Variants in NRG3 observed in about 807,000 individuals in gnomAD.
NRG3 encodes the protein pro-neuregulin-3, membrane-bound isoform.
Under a neutral mutation model 66.9 loss-of-function variants are expected in NRG3, and 31 were observed. That is an observed-to-expected ratio of 0.46 (90% confidence interval 0.35 to 0.63). The LOEUF (loss-of-function observed/expected upper bound fraction) is 0.63. NRG3 is among the 20% of genes least tolerant of loss of function. The probability of loss-of-function intolerance (pLI) is 0.00; values close to 1 mark genes in which losing one functional copy is unlikely to be tolerated. For missense variants in NRG3, 910 were observed against 878.9 expected (o/e 1.04, Z -0.45); for synonymous variants, 393 against 359.4 (o/e 1.09, Z -1.06).
chr10:82,921,019 C>G (rs1394529444), intron 4 of NRG3, among the ~76,000 whole-genome samples: 1 of 151,402 alleles, frequency 6.6e-6, no homozygotes, highest in African/African-American at 2.4e-5. Flanking sequence ...GTAGGCTACA[C>G]ATAGTGACTT....
chr10:82,006,819 T>G (rs568786032), intron 1 of NRG3, among the ~76,000 whole-genome samples: 3 of 152,314 alleles, frequency 2.0e-5, no homozygotes, highest in Admixed American at 2.0e-4. Context: ...CTATATACAC[T>G]GTTTAATTTC....
intron 3 of NRG3, among the ~76,000 whole-genome samples, chr10:82,803,462 C>A (rs971326980): frequency 1.3e-5 from 2 of 152,158 alleles, no homozygotes; most frequent in African/African-American, 4.8e-5. Flanking sequence ...TTCATCTTTG[C>A]TGAAGGGCAC....
chr10:82,679,802 G>C (rs1045824787), intron 2 of NRG3, among the ~76,000 whole-genome samples: 11 of 152,016 alleles, frequency 7.2e-5, no homozygotes, highest in Non-Finnish European at 1.6e-4. Flanking sequence ...GGACAGGAAG[G>C]TTTGGAGCTG....
intron 1 of NRG3, among the ~76,000 whole-genome samples, chr10:82,279,636 C>A (rs1300827914): frequency 1.3e-5 from 2 of 152,152 alleles, no homozygotes; most frequent in African/African-American, 4.8e-5. Flanking sequence ...CCTTAAATCA[C>A]ATTTTTCTGA....
intron 2 of NRG3, among the ~76,000 whole-genome samples, chr10:82,370,892 G>A (rs752968216): frequency 3.3e-5 from 5 of 151,670 alleles, no homozygotes; most frequent in South Asian, 2.1e-4. Flanking sequence ...GATTCTGGTG[G>A]CTTTATGAAT....
At chr10:82,394,392 A>G (rs577836408) in intron 2 of NRG3, among the ~76,000 whole-genome samples, 1 of 152,332 alleles carries the variant, frequency 6.6e-6, no homozygotes, top group African/African-American at 2.4e-5. Context: ...TAATGGGTAG[A>G]CACAGGAGGA....
intron 3 of NRG3, among the ~76,000 whole-genome samples, chr10:82,757,142 T>G (rs193152085): frequency 6.6e-6 from 1 of 152,088 alleles, no homozygotes; most frequent in Non-Finnish European, 1.5e-5. Context: ...AAAGTGTGTC[T>G]TAGACTTATG....
chr10:81,985,091 C>G (rs946022538), intron 1 of NRG3, among the ~76,000 whole-genome samples: 1 of 152,180 alleles, frequency 6.6e-6, no homozygotes, highest in East Asian at 1.9e-4. Context: ...TAGTTAACAT[C>G]CATTGTGTGC....
chr10:82,266,535 A>G (rs976075911), intron 1 of NRG3, among the ~76,000 whole-genome samples: 1 of 152,174 alleles, frequency 6.6e-6, no homozygotes, highest in African/African-American at 2.4e-5. Context: ...TTGCTCTCCT[A>G]TCCTAAGAGA....
intron 2 of NRG3, among the ~76,000 whole-genome samples, chr10:82,555,972 C>T (rs143328513): frequency 2.6e-5 from 4 of 152,232 alleles, no homozygotes; most frequent in Admixed American, 1.3e-4. Context: ...ATTCTTCAAC[C>T]ATTGCAACTT....
chr10:82,907,326 T>G (rs907358963), intron 4 of NRG3, among the ~76,000 whole-genome samples: 1 of 152,228 alleles, frequency 6.6e-6, no homozygotes, highest in Non-Finnish European at 1.5e-5. Context: ...AAATTTATAT[T>G]CTGTGGAGTT....
rs556637938 is a variant in NRG3, at chr10:82,378,862, C to T, written c.953+19994C>T. Among the ~76,000 whole-genome samples the T allele has an allele frequency of 9.9e-4, 150 of 152,196 alleles. 1 individual carries two copies. Among genetic ancestry groups the T allele is most frequent in the African/African-American group, 3.5e-3 (145 of 41,542 alleles). Reference sequence around the variant, plus strand: ...CTGGGATTACAGGCATGAGCCGCCGCGCCTGGCTGCTGATGGAATTTTCTC... The same window carrying T: ...CTGGGATTACAGGCATGAGCCGCCGTGCCTGGCTGCTGATGGAATTTTCTC... On this transcript the variant is annotated intron_variant, in intron 2 of 8. Transcript: ENST00000372141.
chr10:82,125,120 G>A (rs1052557077), intron 1 of NRG3, among the ~76,000 whole-genome samples: 1 of 151,814 alleles, frequency 6.6e-6, no homozygotes, highest in Non-Finnish European at 1.5e-5. Flanking sequence ...ATATTACCAT[G>A]GGCTTATGAG....
chr10:82,544,334 GTT>G (rs1169949841), intron 2 of NRG3, among the ~76,000 whole-genome samples: 4 of 151,986 alleles, frequency 2.6e-5, no homozygotes, highest in Non-Finnish European at 5.9e-5. Flanking sequence ...TTTTGTTTTT[GTT>G]TTTGTTTTTT....
chr10:82,935,634 T>C (rs978559166), intron 4 of NRG3, among the ~76,000 whole-genome samples: 1 of 152,080 alleles, frequency 6.6e-6, no homozygotes, highest in Non-Finnish European at 1.5e-5. Flanking sequence ...CTCTTTTTTT[T>C]TAAACGGAGT....
intron 3 of NRG3, among the ~76,000 whole-genome samples, chr10:82,784,155 A>G (rs1281919176): frequency 3.9e-5 from 6 of 152,186 alleles, no homozygotes; most frequent in Non-Finnish European, 8.8e-5. Context: ...GGCTAGCCAT[A>G]TGTAGAAAGC....
intron 1 of NRG3, among the ~76,000 whole-genome samples, chr10:81,997,348 G>A (rs371114606): frequency 2.6e-5 from 4 of 152,304 alleles, no homozygotes; most frequent in African/African-American, 7.2e-5. Flanking sequence ...GGTCACTATG[G>A]GATGTCCTTC....
At chr10:82,479,503 A>G (rs898150691) in intron 2 of NRG3, among the ~76,000 whole-genome samples, 3 of 25,268 alleles carry the variant, frequency 1.2e-4, no homozygotes, top group Non-Finnish European at 4.5e-4. Flanking sequence ...GTTGGAGGGA[A>G]AAAAAAAAAA....
At chr10:82,347,852 G>C (rs1202036992) in intron 1 of NRG3, among the ~76,000 whole-genome samples, 1 of 151,906 alleles carries the variant, frequency 6.6e-6, no homozygotes, top group African/African-American at 2.4e-5. Context: ...GATCTTTGCT[G>C]GTTTAAAGTC....
Sources: allele counts gnomAD v4.1 joint callset (sites outside exome capture counted in the v4.1 genomes callset), GRCh38; gene constraint gnomAD v4.1.1; transcripts MANE v1.5; gene names NCBI Gene and HGNC (gene_info 2026-07-23, HGNC 2026-07-21).